The following USP34 variants were observed in gnomAD, a reference collection of about 807,000 sequenced individuals.
USP34 encodes the protein ubiquitin specific peptidase 34.
USP34 carries 70 observed loss-of-function variants against 460.3 expected under a neutral mutation model. The ratio of observed to expected loss-of-function variants is 0.15; its 90% CI spans 0.13 to 0.19. The LOEUF (loss-of-function observed/expected upper bound fraction) is 0.19, where lower values mean the gene tolerates loss of function less well. Among genes scored for constraint, USP34 ranks in the 10% least tolerant of loss-of-function variants. USP34 has a pLI of 1.00. For synonymous variants in USP34, 1,647 were observed against 1,405.3 expected (o/e 1.17, Z -3.85); for missense variants, 3,985 against 4,236.2 (o/e 0.94, Z 1.65).
intron 41 of USP34, among the ~76,000 whole-genome samples, chr2:61,267,844 C>G (rs1689098135): frequency 6.6e-6 from 1 of 152,016 alleles, no homozygotes; most frequent in Admixed American, 6.6e-5. Context: ...TCTCGATCTC[C>G]CGACTTCGTG....
intron 2 of USP34, among the ~76,000 whole-genome samples, chr2:61,407,871 T>C (rs889110197): frequency 2.0e-5 from 3 of 152,094 alleles, no homozygotes; most frequent in African/African-American, 7.2e-5. Flanking sequence ...TCCCAGCACT[T>C]TGGGAGGCCG....
chr2:61,346,000 T>C (rs1012123225), intron 15 of USP34, among the ~76,000 whole-genome samples: 16 of 152,218 alleles, frequency 1.1e-4, no homozygotes, highest in Non-Finnish European at 2.2e-4. Flanking sequence ...ATCACATTAT[T>C]TGGTATATTT....
intron 16 of USP34, among the ~76,000 whole-genome samples, chr2:61,342,470 TA>T (rs1312890363): frequency 7.0e-6 from 1 of 143,706 alleles, no homozygotes; most frequent in African/African-American, 2.5e-5. Flanking sequence ...GCAGCTAATT[TA>T]TTTTTTTTTT....
intron 1 of USP34, among the ~76,000 whole-genome samples, chr2:61,451,842 T>TA (rs1381502595): frequency 1.3e-5 from 2 of 151,862 alleles, no homozygotes; most frequent in Non-Finnish European, 2.9e-5. Context: ...TCCAGATGAA[T>TA]AAAAAATTAA....
At chr2:61,291,828 G>A (rs1425766997) in intron 33 of USP34, among the ~76,000 whole-genome samples, 2 of 152,176 alleles carry the variant, frequency 1.3e-5, no homozygotes, top group African/African-American at 2.4e-5. Context: ...TCACAGTGTA[G>A]AAATAACCCA....
At chr2:61,417,059 A>G (rs1694218447) in intron 2 of USP34, 1 of 1,347,092 alleles carries the variant, frequency 7.4e-7, no homozygotes, top group Non-Finnish European at 1.0e-6. Flanking sequence ...GGGAACTTGA[A>G]CTTGGCCCTG....
At position 61,339,563 on chromosome 2, in the gene USP34, T is replaced by C. The variant is rs373759127; in HGVS notation, c.2616+3A>G. The C allele has an allele frequency of 5.7e-5, 90 of 1,567,820 alleles. No individual in the cohort carries two copies. The highest frequency in any genetic ancestry group is 7.4e-5 in the Non-Finnish European group (86 of 1,164,168). On this transcript the variant is annotated splice_donor_region_variant and intron_variant, in intron 17 of 79. Coordinates refer to ENST00000398571, the MANE Select transcript of USP34 (RefSeq NM_014709.4). ...ACTCTTCTGGTTCTATTAAATAACTTACTGCATCTTCATCTTGGACTATAT... is the reference window on the plus strand; with the variant it reads ...ACTCTTCTGGTTCTATTAAATAACTCACTGCATCTTCATCTTGGACTATAT...
intron 70 of USP34, chr2:61,208,349 T>C (rs984015387): frequency 6.6e-6 from 1 of 152,262 alleles, no homozygotes; most frequent in African/African-American, 2.4e-5. Context: ...ACAGAGCTAA[T>C]GTACTTCCTA....
intron 1 of USP34, among the ~76,000 whole-genome samples, chr2:61,444,490 G>A (rs1442237110): frequency 1.3e-5 from 2 of 151,996 alleles, no homozygotes; most frequent in Admixed American, 6.6e-5. Context: ...ACAGACTGAG[G>A]CAGTGACTAC....
intron 57 of USP34, among the ~76,000 whole-genome samples, chr2:61,234,354 C>A (rs1688001902): frequency 6.6e-6 from 1 of 152,156 alleles, no homozygotes; most frequent in South Asian, 2.1e-4. Context: ...GGTTGCTAAC[C>A]TAGAAGTTAA....
At chr2:61,274,027 G>A (rs1338037245) in intron 41 of USP34, among the ~76,000 whole-genome samples, 2 of 151,616 alleles carry the variant, frequency 1.3e-5, no homozygotes, top group Non-Finnish European at 2.9e-5. Flanking sequence ...GTTTTTAAAA[G>A]TATAACACAG....
chr2:61,425,963 A>G (rs1029786127), intron 1 of USP34, among the ~76,000 whole-genome samples: 1 of 152,040 alleles, frequency 6.6e-6, no homozygotes, highest in African/African-American at 2.4e-5. Flanking sequence ...GGCACCGCTC[A>G]GAGTCATGAG....
At chr2:61,385,303 G>C (rs1229870134) in intron 5 of USP34, among the ~76,000 whole-genome samples, 2 of 152,104 alleles carry the variant, frequency 1.3e-5, no homozygotes, top group Non-Finnish European at 2.9e-5. Flanking sequence ...TATAGATTCA[G>C]TACAATCCAA....
chr2:61,308,240 C>T (rs926047144), intron 27 of USP34, among the ~76,000 whole-genome samples: 3 of 151,822 alleles, frequency 2.0e-5, no homozygotes, highest in Non-Finnish European at 4.4e-5. Context: ...AAAATGTAGA[C>T]ACCAACAGAA....
chr2:61,245,708 G>C (rs975715642), intron 50 of USP34, among the ~76,000 whole-genome samples: 1 of 152,088 alleles, frequency 6.6e-6, no homozygotes, highest in African/African-American at 2.4e-5. Flanking sequence ...CCTGATGGGT[G>C]AAGGAGTGAA....
At chr2:61,305,307 T>A (rs1457535173) in intron 27 of USP34, among the ~76,000 whole-genome samples, 1 of 150,714 alleles carries the variant, frequency 6.6e-6, no homozygotes, top group Non-Finnish European at 1.5e-5. Flanking sequence ...TGGGCAACAG[T>A]GCGAGACTCA....
intron 1 of USP34, among the ~76,000 whole-genome samples, chr2:61,457,947 C>G (rs984847339): frequency 6.6e-6 from 1 of 152,154 alleles, no homozygotes; most frequent in Non-Finnish European, 1.5e-5. Context: ...CTTGATATAT[C>G]CGAGAAAACA....
At chr2:61,218,316 GAAAAAAAA>G (rs79272493) in intron 67 of USP34, among the ~76,000 whole-genome samples, 1 of 89,758 alleles carries the variant, frequency 1.1e-5, no homozygotes, top group Non-Finnish European at 2.3e-5. Context: ...AAACTTCCAG[GAAAAAAAA>G]AAAAAAAAAA....
chr2:61,295,133 C>T (rs1689986698), intron 31 of USP34, 35 bp downstream of exon 31: 4 of 1,598,984 alleles, frequency 2.5e-6, no homozygotes, highest in Non-Finnish European at 2.6e-6. Context: ...AGAGAGAATA[C>T]AAACATTTAA....
Sources: gnomAD v4.1 joint callset for allele counts (sites outside exome capture counted in the v4.1 genomes callset) on GRCh38, gnomAD v4.1.1 for gene constraint, MANE v1.5 for transcripts, NCBI Gene and HGNC (gene_info 2026-07-23, HGNC 2026-07-21) for gene names.